Variants in ACTL6A observed in about 807,000 individuals in gnomAD.
The protein encoded by ACTL6A is actin-like protein 6A.
A neutral mutation model predicts 59.2 loss-of-function variants in ACTL6A; 5 were observed. The ratio of observed to expected loss-of-function variants is 0.08; its 90% CI spans 0.04 to 0.18. The LOEUF is 0.18. Among genes scored for constraint, ACTL6A ranks in the 10% least tolerant of loss-of-function variants. The pLI, the probability that ACTL6A is intolerant of heterozygous loss-of-function variation, is 1.00. For missense variants in ACTL6A, 285 were observed against 526.9 expected (o/e 0.54, Z 4.49); for synonymous variants, 154 against 171.8 (o/e 0.90, Z 0.81).
At chr3:179,563,257 C>T (rs1560007939) in intron 1 of ACTL6A, 140 bp downstream of exon 1, 55 of 1,380,560 alleles carry the variant, frequency 4.0e-5, no homozygotes, top group Non-Finnish European at 5.0e-5. Context: ...CCGTCCCCGC[C>T]CCACGCTCTG....
At chr3:179,581,540 T>C (rs1226107239) in intron 11 of ACTL6A, among the ~76,000 whole-genome samples, 2 of 152,228 alleles carry the variant, frequency 1.3e-5, no homozygotes, top group East Asian at 1.9e-4. Flanking sequence ...AGCGCAGATA[T>C]AGAACATTTG....
intron 1 of ACTL6A, among the ~76,000 whole-genome samples, chr3:179,564,750 T>TG (rs900741958): frequency 6.6e-6 from 1 of 152,240 alleles, no homozygotes; most frequent in African/African-American, 2.4e-5. Flanking sequence ...GTACTTGCTA[T>TG]GTGGCAGGTA....
At chr3:179,586,467 G>GAA (rs1169987638) in intron 12 of ACTL6A, 79 bp from the exon 13 acceptor site, 539 of 749,192 alleles carry the variant, frequency 7.2e-4, no homozygotes, top group Middle Eastern at 8.7e-4. Flanking sequence ...GTCTCTATTT[G>GAA]AAAAAAAAAA....
chr3:179,575,035 G>A (rs1034742690), intron 5 of ACTL6A: 2 of 196,576 alleles, frequency 1.0e-5, no homozygotes, highest in South Asian at 1.7e-4. Context: ...TAGAGATGGA[G>A]TTTCGCCATG....
rs966477264 is a variant in ACTL6A, at chr3:179,586,400, C to T, written c.1123-146C>T. The T allele has an allele frequency of 6.1e-5, 33 of 544,058 alleles. No individual in the cohort carries two copies. In the South Asian group the frequency reaches 6.1e-4, roughly 10 times the overall value. 33.7% of individuals were successfully genotyped at this position (544,058 alleles called of 1,614,324 possible). On this transcript the variant is annotated intron_variant, in intron 12 of 13. Transcript: ENST00000429709. Reference sequence around the variant, plus strand: ...AGCACTTTGGGAGGCTGAGATGGGCCGATTGCTTGAGTGCAAATGTGAAGA... The same window carrying T: ...AGCACTTTGGGAGGCTGAGATGGGCTGATTGCTTGAGTGCAAATGTGAAGA...
intron 1 of ACTL6A, among the ~76,000 whole-genome samples, chr3:179,567,700 A>G (rs959060846): frequency 1.6e-4 from 24 of 152,310 alleles, no homozygotes; most frequent in African/African-American, 5.5e-4. Context: ...ATTTGTACTC[A>G]AGTTTAGGTG....
chr3:179,565,392 G>A (rs765804540), intron 1 of ACTL6A, among the ~76,000 whole-genome samples: 3 of 149,022 alleles, frequency 2.0e-5, no homozygotes, highest in African/African-American at 4.9e-5. Flanking sequence ...GTGACAGAGC[G>A]AGACTCTATC....
intron 8 of ACTL6A, among the ~76,000 whole-genome samples, chr3:179,578,549 G>T (rs1364640020): frequency 6.6e-6 from 1 of 152,098 alleles, no homozygotes; most frequent in Non-Finnish European, 1.5e-5. Flanking sequence ...GCCCTGTGAG[G>T]TCGAGGCTGC....
chr3:179,577,478 T>TA lies in ACTL6A; in HGVS notation c.768+575dup, dbSNP rs149468376. On this transcript the variant is annotated intron_variant, in intron 8 of 13. Coordinates refer to ENST00000429709, the MANE Select transcript of ACTL6A (RefSeq NM_004301.5). The stretch of plus-strand genomic sequence containing the variant: ...ATGCCACAGATACGCCTTAATTTCT[T>TA]AAAAAAAAAACAAAAAAAAACTGTT... Among the ~76,000 whole-genome samples the TA allele has an allele frequency of 8.2e-3, 1,196 of 145,986 alleles. 16 individuals are homozygous for TA. The highest frequency in any genetic ancestry group is 0.026 in the African/African-American group (1,018 of 39,738).
chr3:179,583,529 A>G (rs1718396328), intron 12 of ACTL6A, 81 bp downstream of exon 12: 1 of 1,039,038 alleles, frequency 9.6e-7, no homozygotes, highest in Non-Finnish European at 1.5e-6. Flanking sequence ...ATAAGCGTCC[A>G]TTTTTCAATA....
chr3:179,576,928 T>C lies in ACTL6A; in HGVS notation c.768+15T>C. 1.3e-6 allele frequency: 2 copies of C among 1,595,844 alleles called. No individual in the cohort carries two copies. The highest frequency in any genetic ancestry group is 1.7e-6 in the Non-Finnish European group (2 of 1,170,974). The stretch of plus-strand genomic sequence containing the variant: ...ATATGTGTAATGTAAGTAACCCTCA[T>C]TCTCTTTACAAAAATGTTACAGGCT... On this transcript the variant is annotated intron_variant, in intron 8 of 13. Coordinates refer to ENST00000429709, the MANE Select transcript of ACTL6A (RefSeq NM_004301.5).
At chr3:179,574,236 AG>A (rs1718100704) in intron 4 of ACTL6A, 133 bp from the exon 5 acceptor site, 3 of 470,004 alleles carry the variant, frequency 6.4e-6, no homozygotes, top group Non-Finnish European at 1.1e-5. Flanking sequence ...ATATTATGAA[AG>A]ATGATTTCCC....
intron 9 of ACTL6A, 39 bp downstream of exon 9, chr3:179,580,740 GA>G (rs770593709): frequency 6.8e-7 from 1 of 1,466,758 alleles, no homozygotes; most frequent in South Asian, 1.2e-5. Context: ...TATAAATGAG[GA>G]AAGGATTTGT....
chr3:179,564,296 T>A (rs898900944), intron 1 of ACTL6A, among the ~76,000 whole-genome samples: 1 of 152,210 alleles, frequency 6.6e-6, no homozygotes, highest in Non-Finnish European at 1.5e-5. Context: ...GGATGTCATT[T>A]TACAGGTAGG....
At position 179,574,435 on chromosome 3, in the gene ACTL6A, C is replaced by T; in HGVS notation, c.444C>T (p.Ala148=). 1.2e-6 allele frequency: 2 copies of T among 1,613,202 alleles called. No homozygotes were observed. The highest frequency in any genetic ancestry group is 1.7e-6 in the Non-Finnish European group (2 of 1,179,324). The change falls in exon 5 of 14, where the codon GCC becomes GCT. Residue 148 remains alanine, a synonymous_variant. Coordinates refer to ENST00000429709, the MANE Select transcript of ACTL6A (RefSeq NM_004301.5). Reference sequence around the variant, plus strand: ...TGTTTGAACACTACAACATCCCTGCCTTCTTCCTTTGCAAAACTGCAGTTT... The same window carrying T: ...TGTTTGAACACTACAACATCCCTGCTTTCTTCCTTTGCAAAACTGCAGTTT... ...ELMFEHYNIP[A]FFLCKTAVLT...
At chr3:179,582,487 C>T (rs1322521407) in intron 11 of ACTL6A, among the ~76,000 whole-genome samples, 2 of 152,186 alleles carry the variant, frequency 1.3e-5, no homozygotes, top group Non-Finnish European at 2.9e-5. Flanking sequence ...CCATGTGCTT[C>T]TGATGCTTAC....
intron 3 of ACTL6A, among the ~76,000 whole-genome samples, chr3:179,572,032 C>T (rs187824862): frequency 7.2e-5 from 11 of 151,832 alleles, no homozygotes; most frequent in Admixed American, 2.6e-4. Context: ...GTACTTAGAA[C>T]ATCCAGGTGA....
In ACTL6A at chr3:179,564,692, A is replaced by G. The variant is rs150431303; in HGVS notation, c.25+1575A>G. ...TTACTAAACTAATTAGGACAGGAAA[A>G]TGAGCTGATATGTTGGATTTTTTCT... On this transcript the variant is annotated intron_variant, in intron 1 of 13. Transcript: ENST00000429709. 1.2e-3 allele frequency among the ~76,000 whole-genome samples: 185 copies of G among 152,328 alleles called. 1 individual carries two copies. The highest frequency in any genetic ancestry group is 3.7e-3 in the African/African-American group (155 of 41,576).
intron 1 of ACTL6A, 153 bp downstream of exon 1, chr3:179,563,270 C>T (rs919236516): frequency 4.5e-6 from 6 of 1,319,220 alleles, no homozygotes; most frequent in Non-Finnish European, 5.1e-6. Flanking sequence ...ACGCTCTGCC[C>T]GCCCCCGGAG....
Sources: allele counts gnomAD v4.1 joint callset (sites outside exome capture counted in the v4.1 genomes callset), GRCh38; gene constraint gnomAD v4.1.1; transcripts MANE v1.5; gene names NCBI Gene and HGNC (gene_info 2026-07-23, HGNC 2026-07-21).